EFCAB6: variants seen among roughly 807,000 people sequenced by gnomAD.
EFCAB6 encodes EF-hand calcium binding domain 6, also known as EF-hand calcium-binding domain-containing protein 6.
Under a neutral mutation model 169.8 loss-of-function variants are expected in EFCAB6, and 156 were observed. The ratio of observed to expected loss-of-function variants is 0.92; its 90% CI spans 0.81 to 1.05. The LOEUF (loss-of-function observed/expected upper bound fraction) is 1.05. EFCAB6 is among the 50% of genes least tolerant of loss of function. EFCAB6 has a pLI of 0.00. For missense variants in EFCAB6, 1,800 were observed against 1,829.1 expected, an observed-to-expected ratio of 0.98 and a Z score of 0.29; for synonymous variants, 698 against 676.4, an observed-to-expected ratio of 1.03 and a Z score of -0.50.
chr22:43,645,999 A>C (rs575627295), intron 17 of EFCAB6, among the ~76,000 whole-genome samples: 4 of 152,364 alleles, frequency 2.6e-5, no homozygotes, highest in African/African-American at 9.6e-5. Context: ...GCTTGGGTCT[A>C]CATACACATG....
chr22:43,545,338 G>T (rs1169205154), intron 27 of EFCAB6, among the ~76,000 whole-genome samples: 2 of 152,176 alleles, frequency 1.3e-5, no homozygotes, highest in African/African-American at 2.4e-5. Flanking sequence ...ATAGTTTACA[G>T]TTTAAAGAGA....
intron 10 of EFCAB6, among the ~76,000 whole-genome samples, chr22:43,693,011 G>C (rs1353634210): frequency 6.6e-6 from 1 of 152,082 alleles, no homozygotes; most frequent in Non-Finnish European, 1.5e-5. Context: ...TGACTCATTA[G>C]GTACAGGAAG....
At chr22:43,758,826 T>C (rs1238667582) in intron 5 of EFCAB6, among the ~76,000 whole-genome samples, 2 of 152,356 alleles carry the variant, frequency 1.3e-5, no homozygotes, top group East Asian at 1.9e-4. Flanking sequence ...GTTTTCTTAC[T>C]TTTTATGTCT....
intron 2 of EFCAB6, among the ~76,000 whole-genome samples, chr22:43,784,488 CAAAAAAA>C (rs113755588): frequency 1.6e-5 from 1 of 63,676 alleles, no homozygotes; most frequent in African/African-American, 5.9e-5. Flanking sequence ...CTGTCTCTAC[CAAAAAAA>C]AAAAAAAATA....
chr22:43,618,334 G>C (rs1194978546), intron 20 of EFCAB6, among the ~76,000 whole-genome samples: 1 of 152,108 alleles, frequency 6.6e-6, no homozygotes, highest in Non-Finnish European at 1.5e-5. Context: ...AGGAAGACCA[G>C]GGAGTGGCTC....
intron 8 of EFCAB6, among the ~76,000 whole-genome samples, chr22:43,725,287 A>T (rs2059689117): frequency 6.6e-6 from 1 of 152,084 alleles, no homozygotes; most frequent in Non-Finnish European, 1.5e-5. Context: ...GATTACAGGC[A>T]TGCGCCACCA....
chr22:43,675,404 T>G (rs2057699603), intron 13 of EFCAB6, among the ~76,000 whole-genome samples: 1 of 119,446 alleles, frequency 8.4e-6, no homozygotes, highest in African/African-American at 2.9e-5. Context: ...TATAATATAA[T>G]ATAGGATTTA....
At chr22:43,754,698 T>C (rs1265286257) in intron 6 of EFCAB6, among the ~76,000 whole-genome samples, 2 of 152,188 alleles carry the variant, frequency 1.3e-5, no homozygotes, top group South Asian at 2.1e-4. Context: ...TTTGTCTGCA[T>C]CTCCACACTC....
chr22:43,581,803 G>A (rs369016690), intron 24 of EFCAB6, among the ~76,000 whole-genome samples: 7 of 152,284 alleles, frequency 4.6e-5, no homozygotes, highest in East Asian at 3.9e-4. Flanking sequence ...CAGGCTCTGC[G>A]TCGGGTCGGC....
At chr22:43,636,134 T>A (rs1334126663) in intron 17 of EFCAB6, among the ~76,000 whole-genome samples, 1 of 152,080 alleles carries the variant, frequency 6.6e-6, no homozygotes, top group Non-Finnish European at 1.5e-5. Flanking sequence ...GGATGACCAA[T>A]CCCACCCGGA....
rs562606116 is a variant in EFCAB6 at position 43,726,158 on chromosome 22, T to C, written c.757+5541A>G. On this transcript the variant is annotated intron_variant, in intron 8 of 31. Transcript: ENST00000262726. ...ATTATTAAAAATCTGCTGCCAATTA[T>C]TGATAAAATGCAAAAACAAAAAAAG... 2.0e-5 allele frequency among the ~76,000 whole-genome samples: 3 copies of C among 151,906 alleles called. No homozygotes were observed. In the South Asian group the frequency reaches 6.2e-4, roughly 32 times the overall value.
intron 29 of EFCAB6, chr22:43,535,124 A>G: frequency 2.2e-6 from 1 of 463,638 alleles, no homozygotes; most frequent in Admixed American, 4.1e-5. Context: ...GCTTATGGAC[A>G]GAGACTATGG....
Position 43,534,793 on chromosome 22 carries a change from G to C in EFCAB6, c.4128C>G (p.Asn1376Lys). Residue 1376 changes from asparagine (N) to lysine (K), a missense_variant, in exon 30 of 32, where the codon AAC becomes AAG. By Grantham distance (94) the Asn-to-Lys change is moderately conservative (BLOSUM62 0). Coordinates refer to ENST00000262726, the MANE Select transcript of EFCAB6 (RefSeq NM_022785.4). ...QLIIKYDLKS[N>K]GKFAYCDFIQ... ...TGAAGTCACAGTATGCAAATTTCCC[G>C]TTGCTCTTTAAGTCGTATTTTATAA... 1 of 1,613,944 alleles carries C rather than the reference G, an allele frequency of 6.2e-7. No homozygotes were observed. Among genetic ancestry groups the C allele is most frequent in the Non-Finnish European group, 8.5e-7 (1 of 1,179,962 alleles).
chr22:43,686,394 C>A (rs546227840), intron 11 of EFCAB6, among the ~76,000 whole-genome samples: 15 of 152,226 alleles, frequency 9.9e-5, no homozygotes, highest in Admixed American at 4.6e-4. Context: ...CAGCTCCCAT[C>A]AGTAGCTTCC....
chr22:43,560,896 G>T (rs895344701), intron 26 of EFCAB6, among the ~76,000 whole-genome samples: 2 of 152,324 alleles, frequency 1.3e-5, no homozygotes, highest in South Asian at 2.1e-4. Context: ...GGAGGCAGGG[G>T]ACGGACACAG....
intron 26 of EFCAB6, among the ~76,000 whole-genome samples, chr22:43,574,454 G>C (rs778404687): frequency 6.6e-6 from 1 of 152,118 alleles, no homozygotes; most frequent in Non-Finnish European, 1.5e-5. Flanking sequence ...TTCCCCAACA[G>C]GCATGACAGT....
chr22:43,534,201 T>TCCC (rs2047252216), intron 30 of EFCAB6, among the ~76,000 whole-genome samples: 1 of 152,170 alleles, frequency 6.6e-6, no homozygotes, highest in Non-Finnish European at 1.5e-5. Context: ...CCCTTGCTGT[T>TCCC]CTTGTGAGAG....
chr22:43,675,239 GTTA>G (rs1020655942), intron 13 of EFCAB6, among the ~76,000 whole-genome samples: 62 of 140,586 alleles, frequency 4.4e-4, no homozygotes, highest in South Asian at 2.2e-3. Flanking sequence ...ATATAACTAT[GTTA>G]TTATATATTA....
intron 8 of EFCAB6, among the ~76,000 whole-genome samples, chr22:43,718,475 A>G (rs2059411586): frequency 6.6e-6 from 1 of 152,192 alleles, no homozygotes; most frequent in African/African-American, 2.4e-5. Context: ...AATAAAAGAC[A>G]AAGTTGGTCT....
Sources: gnomAD v4.1 joint callset for allele counts (sites outside exome capture counted in the v4.1 genomes callset) on GRCh38, gnomAD v4.1.1 for gene constraint, MANE v1.5 for transcripts, NCBI Gene and HGNC (gene_info 2026-07-23, HGNC 2026-07-21) for gene names.